EP400: variants seen among roughly 807,000 people sequenced by gnomAD.
EP400 encodes the protein E1A-binding protein p400.
A neutral mutation model predicts 354.1 loss-of-function variants in EP400; 105 were observed. The ratio of observed to expected loss-of-function variants is 0.30; its 90% CI spans 0.25 to 0.35. EP400 has a LOEUF of 0.35. EP400 is among the 10% of genes least tolerant of loss of function. The probability of loss-of-function intolerance (pLI) is 1.00; values close to 1 mark genes in which losing one functional copy is unlikely to be tolerated. For missense variants in EP400, 3,280 were observed against 4,121.0 expected, an observed-to-expected ratio of 0.80 and a Z score of 5.59; for synonymous variants, 1,646 against 1,716.9, an observed-to-expected ratio of 0.96 and a Z score of 1.02.
chr12:132,073,611 G>A (rs1035374563), intron 51 of EP400, among the ~76,000 whole-genome samples: 1 of 151,798 alleles, frequency 6.6e-6, no homozygotes, highest in African/African-American at 2.4e-5. Context: ...ATGCCACCAG[G>A]CCCAGCTAAT....
chr12:132,046,051 G>T, intron 39 of EP400, 151 bp downstream of exon 39: 2 of 989,246 alleles, frequency 2.0e-6, no homozygotes, highest in Admixed American at 2.6e-5. Context: ...GCTCCTGGTG[G>T]ACCCAGCGAG....
chr12:132,039,033 C>T (rs575529245), intron 32 of EP400, among the ~76,000 whole-genome samples: 3 of 152,230 alleles, frequency 2.0e-5, no homozygotes, highest in Admixed American at 6.5e-5. Context: ...AGACCAGGCA[C>T]ACTACACAGC....
chr12:131,954,275 T>C (rs769333052), intron 1 of EP400, among the ~76,000 whole-genome samples: 3 of 151,230 alleles, frequency 2.0e-5, no homozygotes, highest in Non-Finnish European at 2.9e-5. Context: ...TCAGCGTCTC[T>C]GTAGAGAGTT....
At chr12:132,066,707 G>C in intron 48 of EP400, 67 bp from the exon 49 acceptor site, 1 of 1,480,900 alleles carries the variant, frequency 6.8e-7, no homozygotes, top group East Asian at 2.5e-5. Context: ...CTCTTGTGGA[G>C]AAGTATTTGG....
At chr12:131,981,975 T>C in intron 4 of EP400, 118 bp from the exon 5 acceptor site, 1 of 1,321,224 alleles carries the variant, frequency 7.6e-7, no homozygotes, top group Non-Finnish European at 1.0e-6. Context: ...CAACTTCTCG[T>C]GTGAGTGTGG....
intron 2 of EP400, among the ~76,000 whole-genome samples, chr12:131,978,846 ATC>A (rs1455604207): frequency 6.6e-6 from 1 of 152,132 alleles, no homozygotes; most frequent in Non-Finnish European, 1.5e-5. Flanking sequence ...TTTAAATAAC[ATC>A]TGTCTATTTA....
In EP400 at chr12:132,013,907, A is replaced by T; in HGVS notation, c.3917A>T (p.Gln1306Leu). 6.2e-7 allele frequency: 1 copy of T among 1,614,196 alleles called. No homozygotes were observed. The highest frequency in any genetic ancestry group is 1.3e-5 in the African/African-American group (1 of 75,056). Residue 1306 changes from glutamine (Q) to leucine (L), a missense_variant, in exon 19 of 53, where the codon CAA becomes CTA. Gln to Leu is a moderately radical substitution (Grantham distance 113). Coordinates refer to ENST00000389561, the MANE Select transcript of EP400 (RefSeq NM_015409.5). The surrounding 1 kb of genome is among the most constrained non-coding windows in gnomAD (Gnocchi z 4.5). ...GCCTTATACGAGGACGTTATCCTGCAACCTGGGTGAGTGTGGGCTCTGGGC... is the reference window on the plus strand; with the variant it reads ...GCCTTATACGAGGACGTTATCCTGCTACCTGGGTGAGTGTGGGCTCTGGGC... The part of the protein sequence containing the change: ...QKALYEDVIL[Q>L]PGTQEALKSG...
chr12:131,964,001 G>GA (rs1053302326), intron 2 of EP400, among the ~76,000 whole-genome samples: 4 of 151,570 alleles, frequency 2.6e-5, no homozygotes, highest in African/African-American at 4.8e-5. Context: ...AACAGAATAA[G>GA]AAAAAAAAGA....
chr12:132,025,822 G>A lies in EP400; in HGVS notation c.5014+18G>A. 1 of 1,562,734 alleles carries A rather than the reference G, an allele frequency of 6.4e-7. No individual in the cohort carries two copies. The highest frequency in any genetic ancestry group is 8.6e-7 in the Non-Finnish European group (1 of 1,157,172). ...CCCACAAGGTAGGGTGCTCTGAGCA[G>A]GAGGGAGACTTGGCTTGGATGCTTC... On this transcript the variant is annotated intron_variant, in intron 25 of 52. Transcript: ENST00000389561. This position sits in a 1 kb window ranked among gnomAD's most constrained non-coding sequence, Gnocchi z 4.1.
At chr12:131,971,016 C>T (rs1266873990) in intron 2 of EP400, among the ~76,000 whole-genome samples, 1 of 152,166 alleles carries the variant, frequency 6.6e-6, no homozygotes, top group African/African-American at 2.4e-5. Flanking sequence ...CCAGCCTGCA[C>T]AACATAGGAC....
In EP400 at chr12:132,044,844, C is replaced by T; in HGVS notation, c.6675C>T (p.Tyr2225=). 2 of 1,614,190 alleles carry T rather than the reference C, an allele frequency of 1.2e-6. No homozygotes were observed. The highest frequency in any genetic ancestry group is 1.7e-6 in the Non-Finnish European group (2 of 1,180,036). ...CGCCGCAGGACGACAGCGACATCTA[C>T]CTCGACTCGGTCATGTGTCTCATGT... is the stretch of plus-strand genomic sequence containing the variant. ...PTPPQDDSDI[Y]LDSVMCLMYE... is the part of the protein sequence containing the mutation. Residue 2225 remains tyrosine, a synonymous_variant, in exon 37 of 53, where the codon TAC becomes TAT. Transcript: ENST00000389561.
rs142862647 is a variant in EP400, at chr12:132,019,540, C to CA, written c.4278-498dup. Among the ~76,000 whole-genome samples, 226 of 145,428 alleles carry CA rather than the reference C, an allele frequency of 1.6e-3. 1 individual carries two copies. Among genetic ancestry groups the CA allele is most frequent in the Admixed American group, 5.4e-3 (79 of 14,612 alleles). On this transcript the variant is annotated intron_variant, in intron 21 of 52. Transcript: ENST00000389561. ...GCAACATTGGGAGACCCTGTCTCTC[C>CA]AAAAAAAAAAATCAAATCCAGGCGT...
At chr12:131,988,006 T>G in intron 7 of EP400, 116 bp downstream of exon 7, 2 of 911,522 alleles carry the variant, frequency 2.2e-6, no homozygotes, top group Non-Finnish European at 3.0e-6. Context: ...TTTTTTTTTT[T>G]TTCCCCCAGA....
intron 51 of EP400, 66 bp from the exon 52 acceptor site, chr12:132,076,450 G>A (rs778263038): frequency 1.3e-6 from 2 of 1,527,720 alleles, no homozygotes; most frequent in Non-Finnish European, 1.8e-6. Flanking sequence ...AGAAAGGGAG[G>A]AAAAATCTCT....
chr12:131,951,285 C>T (rs1241212816), intron 1 of EP400, among the ~76,000 whole-genome samples: 1 of 151,396 alleles, frequency 6.6e-6, no homozygotes, highest in African/African-American at 2.4e-5. Flanking sequence ...CTCCTGAGCT[C>T]AGGCAGTCCG....
At chr12:132,030,374 T>C (rs76724355) in intron 29 of EP400, among the ~76,000 whole-genome samples, 3,361 of 152,314 alleles carry the variant, frequency 0.022, 91 homozygotes, top group South Asian at 0.093. Flanking sequence ...TCAGAATAAA[T>C]GCCGGTGACC....
intron 3 of EP400, 110 bp downstream of exon 3, chr12:131,979,903 T>A: frequency 1.2e-6 from 1 of 834,066 alleles, no homozygotes; most frequent in Non-Finnish European, 1.8e-6. Flanking sequence ...GGTTTCTTCC[T>A]ACTTTGAAAA....
intron 23 of EP400, among the ~76,000 whole-genome samples, chr12:132,023,511 C>G (rs1593354120): frequency 6.6e-6 from 1 of 151,844 alleles, no homozygotes; most frequent in South Asian, 2.1e-4. Flanking sequence ...TTAATAGCTT[C>G]GTTAATAATA....
intron 51 of EP400, among the ~76,000 whole-genome samples, chr12:132,071,194 C>T (rs1230387096): frequency 6.6e-6 from 1 of 151,814 alleles, no homozygotes; most frequent in East Asian, 1.9e-4. Context: ...TGTTACGGTG[C>T]TTTTTGTCTT....
Sources: allele counts gnomAD v4.1 joint callset (sites outside exome capture counted in the v4.1 genomes callset), GRCh38; gene constraint gnomAD v4.1.1; non-coding constraint Gnocchi (gnomAD v3.1); transcripts MANE v1.5; gene names NCBI Gene and HGNC (gene_info 2026-07-23, HGNC 2026-07-21).